Variants in FUT9 observed in about 807,000 individuals in gnomAD.
FUT9 encodes fucosyltransferase 9.
Under a neutral mutation model 29.7 loss-of-function variants are expected in FUT9, and 15 were observed. The ratio of observed to expected loss-of-function variants is 0.51; its 90% CI spans 0.34 to 0.78. FUT9 has a LOEUF of 0.78. Ranked by LOEUF, FUT9 falls within the 30% of genes least tolerant of loss-of-function variation. FUT9 has a pLI of 0.01. For missense variants in FUT9, 319 were observed against 425.4 expected (o/e 0.75, Z 2.20); for synonymous variants, 169 against 153.7 (o/e 1.10, Z -0.74).
At chr6:96,061,393 T>G (rs1770872789) in intron 1 of FUT9, among the ~76,000 whole-genome samples, 1 of 150,848 alleles carries the variant, frequency 6.6e-6, no homozygotes, top group East Asian at 2.0e-4. Flanking sequence ...TCTTCTTTAT[T>G]TGTTTTTAGT....
chr6:96,146,946 T>C (rs1772578901), intron 2 of FUT9, among the ~76,000 whole-genome samples: 1 of 152,202 alleles, frequency 6.6e-6, no homozygotes, highest in Non-Finnish European at 1.5e-5. Context: ...TTAGCTCCTT[T>C]ATTATATCAT....
intron 2 of FUT9, among the ~76,000 whole-genome samples, chr6:96,173,296 T>G (rs1773146324): frequency 6.6e-6 from 1 of 151,862 alleles, no homozygotes; most frequent in East Asian, 1.9e-4. Flanking sequence ...AGGACTTGCC[T>G]TAACTGATAT....
chr6:96,106,634 T>G (rs1157866815), intron 1 of FUT9, among the ~76,000 whole-genome samples: 1 of 152,210 alleles, frequency 6.6e-6, no homozygotes, highest in Non-Finnish European at 1.5e-5. Flanking sequence ...TGAATAAGTA[T>G]GAAGTGCATT....
intron 2 of FUT9, among the ~76,000 whole-genome samples, chr6:96,129,621 A>G (rs1582254340): frequency 1.3e-5 from 2 of 152,144 alleles, no homozygotes; most frequent in Middle Eastern, 3.4e-3. Flanking sequence ...AAAGTTCTAA[A>G]AGGATATATG....
At chr6:96,130,803 C>A (rs1438982207) in intron 2 of FUT9, among the ~76,000 whole-genome samples, 1 of 152,176 alleles carries the variant, frequency 6.6e-6, no homozygotes, top group East Asian at 1.9e-4. Flanking sequence ...AAAACTCTTA[C>A]AATGTACGAG....
At chr6:96,100,230 AACACACACACACACACACAC>A (rs36064811) in intron 1 of FUT9, among the ~76,000 whole-genome samples, 6,272 of 148,634 alleles carry the variant, frequency 0.042, 175 homozygotes, top group Admixed American at 0.062. Context: ...CACACACACC[AACACACACACACACACACAC>A]ACACACACAC....
chr6:96,116,859 G>A (rs1771920804), intron 2 of FUT9, among the ~76,000 whole-genome samples: 1 of 151,944 alleles, frequency 6.6e-6, no homozygotes, highest in South Asian at 2.1e-4. Context: ...AAGGGGGGTG[G>A]AACTGTCCGT....
Position 96,203,229 on chromosome 6 carries a change from G to C in FUT9, c.74G>C (p.Cys25Ser). 6.2e-7 allele frequency: 1 copy of C among 1,613,344 alleles called. No homozygotes were observed. The highest frequency in any genetic ancestry group is 8.5e-7 in the Non-Finnish European group (1 of 1,179,394). ...VCIILGCFMA[C>S]LLIYIKPTNS... ...ATTATCCTGGGCTGTTTCATGGCAT[G>C]TCTTCTCATTTACATCAAACCTACC... Residue 25 changes from cysteine to serine, a missense_variant, in exon 3 of 3, where the codon TGT becomes TCT. Cys to Ser is a moderately radical substitution (Grantham distance 112). Transcript: ENST00000302103.
At chr6:96,017,477 A>G (rs958752308) in intron 1 of FUT9, among the ~76,000 whole-genome samples, 2 of 152,194 alleles carry the variant, frequency 1.3e-5, no homozygotes, top group Non-Finnish European at 2.9e-5. Flanking sequence ...TGGAGTGAAC[A>G]TCGGGAGGGG....
In FUT9 at chr6:96,203,017, T is replaced by C. The variant is rs1271218166; in HGVS notation, c.-8-131T>C. ...GTTTCTCTCAATGGTTTGATAACAC[T>C]GAAAAGGAAAATGCAGTTGATTACT... On this transcript the variant is annotated intron_variant, in intron 2 of 2. Transcript: ENST00000302103. 2.3e-5 allele frequency: 16 copies of C among 692,504 alleles called. No individual in the cohort carries two copies. The East Asian group carries it at 3.8e-4, about 16-fold the overall frequency. The allele number at this position is 692,504 out of a possible 1,614,324, so 42.9% of individuals were successfully genotyped here.
chr6:96,197,075 G>C (rs1773640474), intron 2 of FUT9, among the ~76,000 whole-genome samples: 1 of 152,156 alleles, frequency 6.6e-6, no homozygotes, highest in South Asian at 2.1e-4. Context: ...CAGAAACTTT[G>C]TTTCTGAGGC....
At chr6:96,138,250 A>G (rs1772396585) in intron 2 of FUT9, among the ~76,000 whole-genome samples, 3 of 152,208 alleles carry the variant, frequency 2.0e-5, no homozygotes, top group Admixed American at 6.5e-5. Context: ...TAAACAAAGA[A>G]AGAGGAATTG....
chr6:96,147,506 A>G lies in FUT9; in HGVS notation c.-9+33379A>G, dbSNP rs1772593871. Among the ~76,000 whole-genome samples the G allele has an allele frequency of 2.0e-5, 3 of 152,140 alleles. 1 individual carries two copies. The South Asian group carries it at 6.2e-4, about 31-fold the overall frequency. On this transcript the variant is annotated intron_variant, in intron 2 of 2. Coordinates refer to ENST00000302103, the MANE Select transcript of FUT9 (RefSeq NM_006581.4). ...TATCCTCATGTTTGTCCTAAAGCAA[A>G]AGAAAAAGATGAGCAACTGTGGAAA...
intron 1 of FUT9, among the ~76,000 whole-genome samples, chr6:96,081,608 C>T (rs1714314646): frequency 6.6e-6 from 1 of 151,754 alleles, no homozygotes; most frequent in Non-Finnish European, 1.5e-5. Context: ...TGTTGTCCTT[C>T]TGGATTAAAA....
intron 2 of FUT9, among the ~76,000 whole-genome samples, chr6:96,182,568 T>C (rs1167425147): frequency 1.3e-5 from 2 of 152,080 alleles, no homozygotes; most frequent in Admixed American, 6.6e-5. Context: ...TAGATTTAAG[T>C]CCTTGATCCA....
chr6:96,161,517 AG>A (rs1161564230), intron 2 of FUT9, among the ~76,000 whole-genome samples: 1 of 152,216 alleles, frequency 6.6e-6, no homozygotes, highest in African/African-American at 2.4e-5. Flanking sequence ...ATATAGATAT[AG>A]GTAGAGACAG....
At chr6:96,028,314 T>A (rs2127925084) in intron 1 of FUT9, among the ~76,000 whole-genome samples, 1 of 151,728 alleles carries the variant, frequency 6.6e-6, no homozygotes, top group East Asian at 1.9e-4. Flanking sequence ...CTTACCTGTT[T>A]ATTGAGTTAA....
At chr6:96,029,310 C>T (rs1028357420) in intron 1 of FUT9, among the ~76,000 whole-genome samples, 2 of 151,514 alleles carry the variant, frequency 1.3e-5, no homozygotes, top group African/African-American at 4.8e-5. Context: ...TGATGTCACC[C>T]ATTGGGGCTT....
rs183013050 is a variant in FUT9, at chr6:96,211,984, T to C, written c.*7749T>C. On this transcript the variant is annotated 3_prime_UTR_variant, in exon 3 of 3. Transcript: ENST00000302103. ...TTTTATTGTGGAAAACAAATATAGA[T>C]TTTATCTGAAAAATTTTAAGGGCCA... is the stretch of plus-strand genomic sequence containing the variant. 4.9e-5 allele frequency: 20 copies of C among 410,320 alleles called. No homozygotes were observed. The highest frequency in any genetic ancestry group is 7.1e-5 in the Non-Finnish European group (16 of 224,364). 25.4% of individuals were successfully genotyped at this position (410,320 alleles called of 1,614,324 possible). A position where few individuals can be genotyped will look rare whatever the true frequency, so the allele number is the denominator to read the frequency against.
Sources: allele counts gnomAD v4.1 joint callset (sites outside exome capture counted in the v4.1 genomes callset), GRCh38; gene constraint gnomAD v4.1.1; transcripts MANE v1.5; gene names NCBI Gene and HGNC (gene_info 2026-07-23, HGNC 2026-07-21).